GSG1L: variants seen among roughly 807,000 people sequenced by gnomAD.
GSG1L encodes germ cell-specific gene 1-like protein.
In GSG1L, 24 loss-of-function variants were observed where a neutral mutation model predicts 42.1. The observed-to-expected ratio is 0.57, with a 90% CI of 0.41 to 0.80. The LOEUF (loss-of-function observed/expected upper bound fraction) is 0.80. GSG1L is among the 30% of genes least tolerant of loss of function. GSG1L has a pLI of 0.00. For synonymous variants in GSG1L, 215 were observed against 203.5 expected (o/e 1.06, Z -0.48); for missense variants, 445 against 472.2 (o/e 0.94, Z 0.53).
intron 3 of GSG1L, among the ~76,000 whole-genome samples, chr16:27,860,639 C>T (rs2083637089): frequency 1.3e-5 from 2 of 152,234 alleles, no homozygotes; most frequent in African/African-American, 4.8e-5. Context: ...GGAGAATTTT[C>T]CCAATATGGA....
chr16:28,046,855 C>T (rs1008564809), intron 1 of GSG1L, among the ~76,000 whole-genome samples: 8 of 152,164 alleles, frequency 5.3e-5, no homozygotes, highest in African/African-American at 9.7e-5. Context: ...CACCTGTGGC[C>T]GACTTCCTCT....
intron 2 of GSG1L, among the ~76,000 whole-genome samples, chr16:27,935,972 T>C (rs1164963719): frequency 1.3e-5 from 2 of 150,282 alleles, no homozygotes; most frequent in African/African-American, 4.9e-5. Flanking sequence ...TGAGGTCAGG[T>C]CCAGCTCTGG....
intron 1 of GSG1L, among the ~76,000 whole-genome samples, chr16:28,049,251 TC>T (rs1393143863): frequency 4.6e-5 from 7 of 152,330 alleles, no homozygotes; most frequent in Admixed American, 6.5e-5. Flanking sequence ...CTTTTAAAAT[TC>T]CTTTTAATTC....
intron 2 of GSG1L, among the ~76,000 whole-genome samples, chr16:27,888,366 G>A (rs2084055264): frequency 6.6e-6 from 1 of 152,190 alleles, no homozygotes. Flanking sequence ...CCGATGCCTG[G>A]CGGGGTTGTG....
chr16:27,787,569 ACT>A lies in GSG1L; in HGVS notation c.*3799_*3800del, dbSNP rs2082707508. ...TTATTTAATATTTTTCTTTAAGCCAACTCTTTTTTTCTTTTACTTAAATGCCT... is the reference window on the plus strand; with the variant it reads ...TTATTTAATATTTTTCTTTAAGCCAACTTTTTTTCTTTTACTTAAATGCCT... On this transcript the variant is annotated 3_prime_UTR_variant, in exon 7 of 7. Coordinates refer to ENST00000447459, the MANE Select transcript of GSG1L (RefSeq NM_001109763.2). 1 of 151,920 alleles carries A rather than the reference ACT, an allele frequency of 6.6e-6. No homozygotes were observed. 9.4% of individuals were successfully genotyped at this position (151,920 alleles called of 1,614,324 possible).
chr16:27,965,238 C>G (rs188612535), intron 1 of GSG1L, among the ~76,000 whole-genome samples: 1 of 151,988 alleles, frequency 6.6e-6, no homozygotes, highest in Non-Finnish European at 1.5e-5. Context: ...AGGCTGGTCT[C>G]GAACTCCTGA....
At position 28,063,011 on chromosome 16, in the gene GSG1L, G is replaced by C; in HGVS notation, c.349+65C>G. The C allele has an allele frequency of 7.7e-7, 1 of 1,294,076 alleles. No homozygotes were observed. The highest frequency in any genetic ancestry group is 3.5e-5 in the East Asian group (1 of 28,550). 80.2% of individuals were successfully genotyped at this position (1,294,076 alleles called of 1,614,324 possible). ...GAGGGCGAACGGGTCCGGGGCTCGG[G>C]CCTCGATGGCCGCGCCGCCCCGGGG... On this transcript the variant is annotated intron_variant, in intron 1 of 6. Coordinates refer to ENST00000447459, the MANE Select transcript of GSG1L (RefSeq NM_001109763.2). This position sits in a 1 kb window ranked among gnomAD's most constrained non-coding sequence, Gnocchi z 5.8.
intron 2 of GSG1L, among the ~76,000 whole-genome samples, chr16:27,959,407 G>T (rs1340413228): frequency 1.3e-5 from 2 of 151,258 alleles, no homozygotes; most frequent in Non-Finnish European, 2.9e-5. Context: ...GGCAGAGGTT[G>T]CAGTGAGCCA....
intron 1 of GSG1L, among the ~76,000 whole-genome samples, chr16:27,979,686 A>AGAAGGAAGGAAG (rs1271446807): frequency 5.5e-4 from 22 of 40,004 alleles, no homozygotes; most frequent in South Asian, 1.3e-3. Context: ...AGAGAAAGAA[A>AGAAGGAAGGAAG]GAAGGAAGGA....
At chr16:28,018,219 C>A (rs894295115) in intron 1 of GSG1L, among the ~76,000 whole-genome samples, 1 of 152,142 alleles carries the variant, frequency 6.6e-6, no homozygotes, top group Non-Finnish European at 1.5e-5. Flanking sequence ...TAATAAAAAC[C>A]TAACAGTGGC....
intron 5 of GSG1L, among the ~76,000 whole-genome samples, chr16:27,825,459 C>T (rs1461210092): frequency 6.6e-6 from 1 of 152,136 alleles, no homozygotes; most frequent in Non-Finnish European, 1.5e-5. Context: ...TTGCTTGCGG[C>T]TAGGAGTTTG....
intron 2 of GSG1L, among the ~76,000 whole-genome samples, chr16:27,904,490 C>A (rs2084297421): frequency 6.6e-6 from 1 of 152,092 alleles, no homozygotes; most frequent in Non-Finnish European, 1.5e-5. Flanking sequence ...TTTTCCCTAG[C>A]ATGTATGACC....
chr16:28,013,446 T>C (rs957224798), intron 1 of GSG1L, among the ~76,000 whole-genome samples: 2 of 152,094 alleles, frequency 1.3e-5, no homozygotes, highest in Non-Finnish European at 2.9e-5. Flanking sequence ...AAAGAGATCA[T>C]GACTATAATG....
intron 5 of GSG1L, among the ~76,000 whole-genome samples, chr16:27,814,595 G>T (rs563231747): frequency 1.3e-5 from 2 of 150,532 alleles, no homozygotes; most frequent in East Asian, 4.0e-4. Flanking sequence ...TGAGGCAGAA[G>T]AATCACCTGA....
chr16:27,953,099 CT>C (rs2084967164), intron 2 of GSG1L, among the ~76,000 whole-genome samples: 1 of 151,932 alleles, frequency 6.6e-6, no homozygotes, highest in African/African-American at 2.4e-5. Context: ...TTTTTCTTTT[CT>C]TTTTCTTTTA....
intron 1 of GSG1L, among the ~76,000 whole-genome samples, chr16:27,982,240 C>G (rs978882504): frequency 1.3e-5 from 2 of 152,192 alleles, no homozygotes; most frequent in Non-Finnish European, 2.9e-5. Flanking sequence ...GTGACACGCA[C>G]CTGTAGCCCT....
rs1251982214 is a variant in GSG1L at position 28,059,044 on chromosome 16, G to T, written c.349+4032C>A. Among the ~76,000 whole-genome samples, 1 of 152,192 alleles carries T rather than the reference G, an allele frequency of 6.6e-6. No homozygotes were observed. Among genetic ancestry groups the T allele is most frequent in the African/African-American group, 2.4e-5 (1 of 41,452 alleles). ...CAGAAGTCCATGGGAGACACGGGTG[G>T]CTGTGGGTGGCTCAGCCCAGGGTGG... On this transcript the variant is annotated intron_variant, in intron 1 of 6. Transcript: ENST00000447459. This position sits in a 1 kb window ranked among gnomAD's most constrained non-coding sequence, Gnocchi z 4.4.
intron 2 of GSG1L, among the ~76,000 whole-genome samples, chr16:27,901,308 C>T (rs1167746845): frequency 6.6e-6 from 1 of 152,144 alleles, no homozygotes; most frequent in Non-Finnish European, 1.5e-5. Flanking sequence ...TCTGTGATTT[C>T]GATTGGTGTC....
chr16:28,037,618 G>C (rs2086055835), intron 1 of GSG1L, among the ~76,000 whole-genome samples: 1 of 152,132 alleles, frequency 6.6e-6, no homozygotes, highest in African/African-American at 2.4e-5. Flanking sequence ...ACTTTTCACT[G>C]TTGATACAAA....
Sources: allele counts gnomAD v4.1 joint callset (sites outside exome capture counted in the v4.1 genomes callset), GRCh38; gene constraint gnomAD v4.1.1; non-coding constraint Gnocchi (gnomAD v3.1); transcripts MANE v1.5; gene names NCBI Gene and HGNC (gene_info 2026-07-23, HGNC 2026-07-21).